The following SETD3 variants were observed in gnomAD, a reference collection of about 807,000 sequenced individuals.
SETD3 encodes the protein SET domain containing 3, actin N3(tau)-histidine methyltransferase, also known as actin-histidine N-methyltransferase.
Under a neutral mutation model 63.0 loss-of-function variants are expected in SETD3, and 19 were observed. That is an observed-to-expected ratio of 0.30 (90% CI 0.21 to 0.44). SETD3 has a LOEUF of 0.44. Among genes scored for constraint, SETD3 ranks in the 20% least tolerant of loss-of-function variants. The probability of loss-of-function intolerance (pLI) is 1.00; values close to 1 mark genes in which losing one functional copy is unlikely to be tolerated. For synonymous variants in SETD3, 286 were observed against 264.1 expected (o/e 1.08, Z -0.80); for missense variants, 587 against 728.5 (o/e 0.81, Z 2.24).
At chr14:99,463,056 T>G (rs1895161965) in intron 3 of SETD3, among the ~76,000 whole-genome samples, 1 of 152,230 alleles carries the variant, frequency 6.6e-6, no homozygotes, top group Non-Finnish European at 1.5e-5. Context: ...GCTTAAGGAA[T>G]ATGACCACAC....
chr14:99,406,648 A>T, intron 8 of SETD3, 58 bp from the exon 9 acceptor site: 1 of 1,509,270 alleles, frequency 6.6e-7, no homozygotes, highest in Middle Eastern at 1.7e-4. Context: ...CATCTCACTT[A>T]ATCTACAAGC....
intron 6 of SETD3, among the ~76,000 whole-genome samples, chr14:99,434,677 G>A (rs564541192): frequency 2.0e-5 from 3 of 151,644 alleles, no homozygotes; most frequent in South Asian, 2.1e-4. Flanking sequence ...GAGAAACCCC[G>A]TCTCTACTAA....
chr14:99,463,513 C>T lies in SETD3; in HGVS notation c.169G>A (p.Val57Ile). 1 of 1,614,008 alleles carries T rather than the reference C, an allele frequency of 6.2e-7. No homozygotes were observed. The highest frequency in any genetic ancestry group is 8.5e-7 in the Non-Finnish European group (1 of 1,179,966). ...TTTTGCTTTTTCCGTATTTTCTCAA[C>T]CAGAGTCCGGATCTGCACATACTCT... is the stretch of plus-strand genomic sequence containing the variant. The part of the protein sequence containing the change: ...WEEYVQIRTL[V>I]EKIRKKQKGL... The change falls in exon 3 of 13, where the codon GTT becomes ATT. Residue 57 changes from valine to isoleucine, a missense_variant. Physicochemically the swap from Val to Ile is conservative, Grantham distance 29. Coordinates refer to ENST00000331768, the MANE Select transcript of SETD3 (RefSeq NM_032233.3).
chr14:99,427,353 A>G (rs965443748), intron 6 of SETD3, among the ~76,000 whole-genome samples: 1 of 152,224 alleles, frequency 6.6e-6, no homozygotes, highest in African/African-American at 2.4e-5. Context: ...CTTAAAATAT[A>G]TGCCCATGTT....
At chr14:99,473,779 C>T (rs1895825989) in intron 1 of SETD3, among the ~76,000 whole-genome samples, 1 of 152,182 alleles carries the variant, frequency 6.6e-6, no homozygotes, top group Admixed American at 6.5e-5. Context: ...GAATTAAATA[C>T]ACAAATTACA....
At chr14:99,478,559 A>C (rs1317585687) in intron 1 of SETD3, among the ~76,000 whole-genome samples, 1 of 152,190 alleles carries the variant, frequency 6.6e-6, no homozygotes, top group African/African-American at 2.4e-5. Context: ...GGTACGCCTC[A>C]AACTACACTG....
intron 6 of SETD3, among the ~76,000 whole-genome samples, chr14:99,452,602 G>A (rs991401806): frequency 6.6e-6 from 1 of 152,152 alleles, no homozygotes; most frequent in African/African-American, 2.4e-5. Flanking sequence ...CAGAGAAATC[G>A]ACACAAAGAG....
intron 6 of SETD3, among the ~76,000 whole-genome samples, chr14:99,443,020 C>T (rs993371665): frequency 1.3e-5 from 2 of 152,150 alleles, no homozygotes; most frequent in African/African-American, 2.4e-5. Context: ...CCAAGCCACC[C>T]CTTTGAGCCT....
At chr14:99,469,779 C>G (rs560824922) in intron 1 of SETD3, among the ~76,000 whole-genome samples, 3 of 152,114 alleles carry the variant, frequency 2.0e-5, no homozygotes, top group Admixed American at 2.0e-4. Context: ...GCATAGTGCA[C>G]GAATTCATGG....
chr14:99,427,905 T>G (rs1032979248), intron 6 of SETD3, among the ~76,000 whole-genome samples: 1 of 152,086 alleles, frequency 6.6e-6, no homozygotes, highest in Non-Finnish European at 1.5e-5. Context: ...GGAGGTGGCA[T>G]GCGAGTTAAG....
upstream of SETD3, among the ~76,000 whole-genome samples, chr14:99,483,325 G>A (rs1220596831): frequency 1.3e-5 from 2 of 152,040 alleles, no homozygotes; most frequent in Admixed American, 6.6e-5. Flanking sequence ...AAAGCTGGAG[G>A]ATCACACAAG....
At chr14:99,414,779 AGTCTGATAGATT>A (rs1892199609) in intron 6 of SETD3, among the ~76,000 whole-genome samples, 1 of 7,098 alleles carries the variant, frequency 1.4e-4, no homozygotes, top group Admixed American at 8.7e-4. Context: ...TTTCAATTAC[AGTCTGATAGATT>A]GTAGTAAGTG....
intron 6 of SETD3, among the ~76,000 whole-genome samples, chr14:99,441,423 G>A (rs1464847307): frequency 6.6e-6 from 1 of 152,196 alleles, no homozygotes; most frequent in African/African-American, 2.4e-5. Context: ...AGGCGGCAGT[G>A]CCACAGTGGT....
chr14:99,415,314 T>C (rs548257579), intron 6 of SETD3, among the ~76,000 whole-genome samples: 44 of 152,302 alleles, frequency 2.9e-4, no homozygotes, highest in African/African-American at 9.9e-4. Context: ...GTCTAAAAAT[T>C]TGGAGCCCCC....
intron 6 of SETD3, among the ~76,000 whole-genome samples, chr14:99,441,925 G>A (rs142061487): frequency 2.1e-4 from 32 of 152,350 alleles, no homozygotes; most frequent in African/African-American, 7.5e-4. Context: ...GGCCAGGACT[G>A]GGTGATGGAG....
At chr14:99,442,043 G>A (rs1299724568) in intron 6 of SETD3, among the ~76,000 whole-genome samples, 2 of 152,180 alleles carry the variant, frequency 1.3e-5, no homozygotes, top group African/African-American at 2.4e-5. Flanking sequence ...GACCTCTGGT[G>A]CGCAGACGCC....
At chr14:99,482,023 G>C (rs1426033391), upstream of SETD3, among the ~76,000 whole-genome samples, 2 of 152,144 alleles carry the variant, frequency 1.3e-5, no homozygotes, top group African/African-American at 2.4e-5. Flanking sequence ...TTACGGACCC[G>C]CTCCTGGTGG....
rs567769161 is a variant in SETD3 at position 99,434,778 on chromosome 14, G to T, written c.676-20844C>A. Among the ~76,000 whole-genome samples, 632 of 147,280 alleles carry T rather than the reference G, an allele frequency of 4.3e-3. 5 individuals carry two copies. The highest frequency in any genetic ancestry group is 0.015 in the African/African-American group (597 of 39,668). On this transcript the variant is annotated intron_variant, in intron 6 of 12. Transcript: ENST00000331768. ...AGGAGAATTGCTTGAACCCGGGAGG[G>T]AGAGGTTGTGATGAGCCGAGATCAC...
chr14:99,400,382 C>T, intron 11 of SETD3, 123 bp from the exon 12 acceptor site: 1 of 1,060,956 alleles, frequency 9.4e-7, no homozygotes. Flanking sequence ...AAAGCTGTCC[C>T]TACGCAATGG....
Sources: gnomAD v4.1 joint callset for allele counts (sites outside exome capture counted in the v4.1 genomes callset) on GRCh38, gnomAD v4.1.1 for gene constraint, MANE v1.5 for transcripts, NCBI Gene and HGNC (gene_info 2026-07-23, HGNC 2026-07-21) for gene names.